Variants in L3MBTL4 observed in about 807,000 individuals in gnomAD.
L3MBTL4 encodes the protein lethal(3)malignant brain tumor-like protein 4.
Under a neutral mutation model 84.5 loss-of-function variants are expected in L3MBTL4, and 70 were observed. That is an observed-to-expected ratio of 0.83 (90% CI 0.68 to 1.01). The LOEUF is 1.01. Among genes scored for constraint, L3MBTL4 ranks in the 50% least tolerant of loss-of-function variants. The pLI, the probability that L3MBTL4 is intolerant of heterozygous loss-of-function variation, is 0.00. For synonymous variants in L3MBTL4, 274 were observed against 259.8 expected (o/e 1.05, Z -0.52); for missense variants, 715 against 754.8 (o/e 0.95, Z 0.62).
At chr18:6,399,333 A>G (rs911088396) in intron 1 of L3MBTL4, among the ~76,000 whole-genome samples, 1 of 152,206 alleles carries the variant, frequency 6.6e-6, no homozygotes, top group East Asian at 1.9e-4. Flanking sequence ...AGCTACTTGG[A>G]GGCTGAGGCA....
intron 14 of L3MBTL4, among the ~76,000 whole-genome samples, chr18:6,097,393 C>T (rs1041655592): frequency 5.3e-5 from 8 of 152,258 alleles, no homozygotes; most frequent in Admixed American, 3.9e-4. Context: ...AGCAGCATTC[C>T]TGAACATGTT....
chr18:6,231,463 C>T (rs112640761), intron 10 of L3MBTL4, among the ~76,000 whole-genome samples: 98 of 152,204 alleles, frequency 6.4e-4, no homozygotes, highest in African/African-American at 2.2e-3. Flanking sequence ...CAGTACCATG[C>T]TGTTTTGGTT....
At chr18:5,958,619 T>G (rs1199949939) in intron 18 of L3MBTL4, among the ~76,000 whole-genome samples, 1 of 152,194 alleles carries the variant, frequency 6.6e-6, no homozygotes, top group African/African-American at 2.4e-5. Flanking sequence ...CCCAAGCTCA[T>G]GCAGCTTCTA....
At chr18:5,962,127 A>G (rs768987969) in intron 17 of L3MBTL4, among the ~76,000 whole-genome samples, 4 of 152,172 alleles carry the variant, frequency 2.6e-5, no homozygotes, top group Non-Finnish European at 4.4e-5. Flanking sequence ...CAGGGAGGAC[A>G]GGAAAGCTTA....
intron 13 of L3MBTL4, among the ~76,000 whole-genome samples, chr18:6,138,760 C>G (rs1598877564): frequency 6.6e-6 from 1 of 152,162 alleles, no homozygotes; most frequent in Non-Finnish European, 1.5e-5. Context: ...CCACGTTGGC[C>G]AGGCTGGTCT....
intron 13 of L3MBTL4, among the ~76,000 whole-genome samples, chr18:6,139,918 G>T (rs1024580435): frequency 6.6e-6 from 1 of 152,108 alleles, no homozygotes; most frequent in African/African-American, 2.4e-5. Context: ...CTTTGGCACT[G>T]GCTCTCCATG....
At chr18:6,379,225 C>T (rs925349149) in intron 1 of L3MBTL4, among the ~76,000 whole-genome samples, 2 of 152,108 alleles carry the variant, frequency 1.3e-5, no homozygotes, top group African/African-American at 4.8e-5. Flanking sequence ...GGGCTGAGAT[C>T]ATGGGGTTTT....
At chr18:5,961,715 C>G (rs955398726) in intron 17 of L3MBTL4, among the ~76,000 whole-genome samples, 1 of 151,962 alleles carries the variant, frequency 6.6e-6, no homozygotes, top group African/African-American at 2.4e-5. Context: ...GCTAATTCAC[C>G]TGAGAACCTG....
chr18:5,984,489 TAGAAATCCAA>T (rs1319953134), intron 16 of L3MBTL4, among the ~76,000 whole-genome samples: 1 of 152,218 alleles, frequency 6.6e-6, no homozygotes, highest in Non-Finnish European at 1.5e-5. Flanking sequence ...GACAGATGAA[TAGAAATCCAA>T]AGAAAATGTT....
intron 18 of L3MBTL4, among the ~76,000 whole-genome samples, 172 bp from the exon 19 acceptor site, chr18:5,956,559 C>T (rs1264294871): frequency 3.9e-5 from 6 of 152,182 alleles, no homozygotes; most frequent in South Asian, 2.1e-4. Context: ...ACAACCATTG[C>T]TCCACTCCAA....
chr18:6,410,678 G>C lies in L3MBTL4; in HGVS notation c.-91+4123C>G, dbSNP rs116876757. Among the ~76,000 whole-genome samples the C allele has an allele frequency of 8.0e-3, 1,215 of 152,334 alleles. 6 individuals carry two copies. Among genetic ancestry groups the C allele is most frequent in the Non-Finnish European group, 0.013 (878 of 68,026 alleles). On this transcript the variant is annotated intron_variant, in intron 1 of 18. Coordinates refer to ENST00000317931, the MANE Select transcript of L3MBTL4 (RefSeq NM_001330559.2). Reference sequence around the variant, plus strand: ...TCTCTCTGGCTAGTTACAGTGAAAAGAAATGAGATGCATGCACTGCTGTTC... The same window carrying C: ...TCTCTCTGGCTAGTTACAGTGAAAACAAATGAGATGCATGCACTGCTGTTC...
chr18:5,997,879 C>G (rs1267286284), intron 16 of L3MBTL4, among the ~76,000 whole-genome samples: 4 of 152,162 alleles, frequency 2.6e-5, no homozygotes, highest in Non-Finnish European at 5.9e-5. Context: ...AGTATTACTC[C>G]ACCTTATATC....
chr18:6,320,390 G>A (rs1486684992), intron 1 of L3MBTL4, among the ~76,000 whole-genome samples: 1 of 152,008 alleles, frequency 6.6e-6, no homozygotes, highest in Admixed American at 6.5e-5. Flanking sequence ...GACTCCTCCA[G>A]AAGTCTCCTA....
chr18:6,210,348 C>T (rs114500651), intron 12 of L3MBTL4, among the ~76,000 whole-genome samples: 1 of 152,150 alleles, frequency 6.6e-6, no homozygotes, highest in Admixed American at 6.5e-5. Flanking sequence ...AGTCACAACT[C>T]CTCATCCTAC....
intron 4 of L3MBTL4, among the ~76,000 whole-genome samples, chr18:6,295,882 G>A (rs1282775752): frequency 1.3e-5 from 2 of 152,162 alleles, no homozygotes; most frequent in Non-Finnish European, 2.9e-5. Flanking sequence ...GATCATGGGG[G>A]CAGAGTTCTC....
chr18:6,044,344 C>T (rs2056526621), intron 16 of L3MBTL4, among the ~76,000 whole-genome samples: 1 of 152,208 alleles, frequency 6.6e-6, no homozygotes, highest in Non-Finnish European at 1.5e-5. Flanking sequence ...ACACATCTTT[C>T]ATTTGAGTCT....
chr18:6,050,152 A>G (rs897535515), intron 16 of L3MBTL4, among the ~76,000 whole-genome samples: 1 of 152,180 alleles, frequency 6.6e-6, no homozygotes, highest in Admixed American at 6.5e-5. Context: ...AAAAAATTAT[A>G]AAGTGACATA....
intron 1 of L3MBTL4, among the ~76,000 whole-genome samples, chr18:6,332,984 A>AT (rs2052120126): frequency 1.3e-5 from 2 of 152,216 alleles, no homozygotes; most frequent in South Asian, 4.1e-4. Flanking sequence ...ACTCTAACTC[A>AT]TTAACTATAC....
At chr18:6,108,641 T>C (rs148555847) in intron 14 of L3MBTL4, among the ~76,000 whole-genome samples, 1,943 of 152,216 alleles carry the variant, frequency 0.013, 22 homozygotes, top group Non-Finnish European at 0.016. Flanking sequence ...TCTCAGGGCA[T>C]TTCTAGAGCT....
Sources: allele counts gnomAD v4.1 joint callset (sites outside exome capture counted in the v4.1 genomes callset), GRCh38; gene constraint gnomAD v4.1.1; transcripts MANE v1.5; gene names NCBI Gene and HGNC (gene_info 2026-07-23, HGNC 2026-07-21).